The following TOX2 variants were observed in gnomAD, a reference collection of about 807,000 sequenced individuals.
TOX2 encodes TOX high mobility group box family member 2.
TOX2 carries 15 observed loss-of-function variants against 47.4 expected under a neutral mutation model. The ratio of observed to expected loss-of-function variants is 0.32; its 90% CI spans 0.21 to 0.49. The LOEUF (loss-of-function observed/expected upper bound fraction) is 0.49. Among genes scored for constraint, TOX2 ranks in the 20% least tolerant of loss-of-function variants. The probability of loss-of-function intolerance (pLI) is 0.99; values close to 1 mark genes in which losing one functional copy is unlikely to be tolerated. For missense variants in TOX2, 622 were observed against 673.1 expected (o/e 0.92, Z 0.84); for synonymous variants, 290 against 296.6 (o/e 0.98, Z 0.23).
chr20:44,018,114 A>T (rs561271387), intron 3 of TOX2, among the ~76,000 whole-genome samples: 6 of 152,338 alleles, frequency 3.9e-5, no homozygotes, highest in African/African-American at 1.2e-4. Context: ...TGGGGGCCAG[A>T]GGACAGTGGG....
intron 2 of TOX2, among the ~76,000 whole-genome samples, chr20:44,001,846 C>T (rs1464162642): frequency 1.3e-5 from 2 of 152,198 alleles, no homozygotes; most frequent in East Asian, 1.9e-4. Flanking sequence ...CCCCATTTCC[C>T]GTGCCCATTT....
intron 5 of TOX2, among the ~76,000 whole-genome samples, chr20:44,056,409 C>T (rs1161356791): frequency 1.3e-5 from 2 of 152,190 alleles, no homozygotes; most frequent in Admixed American, 1.3e-4. Context: ...CAAAAGACTT[C>T]AGGTTGTTTT....
intron 1 of TOX2, among the ~76,000 whole-genome samples, chr20:43,924,235 C>G (rs1419083842): frequency 1.3e-5 from 2 of 152,190 alleles, no homozygotes; most frequent in African/African-American, 4.8e-5. Flanking sequence ...GTGATGGTCA[C>G]TCACTTGCTC....
At chr20:43,968,297 A>G (rs1486266885) in intron 1 of TOX2, among the ~76,000 whole-genome samples, 1 of 152,216 alleles carries the variant, frequency 6.6e-6, no homozygotes, top group Non-Finnish European at 1.5e-5. Context: ...CTGTGGTCAT[A>G]AGAATGAGAA....
intron 1 of TOX2, among the ~76,000 whole-genome samples, chr20:43,958,333 A>T (rs796942017): frequency 6.6e-6 from 1 of 152,096 alleles, no homozygotes; most frequent in East Asian, 1.9e-4. Flanking sequence ...TCTTTAGTGG[A>T]TGTTGATTTT....
At chr20:44,016,780 T>A (rs1027250142) in intron 3 of TOX2, among the ~76,000 whole-genome samples, 1 of 152,160 alleles carries the variant, frequency 6.6e-6, no homozygotes. Context: ...TCAGAAGTTA[T>A]CTTCTCACAG....
chr20:44,049,336 A>G (rs890442327), intron 3 of TOX2, among the ~76,000 whole-genome samples: 1 of 152,254 alleles, frequency 6.6e-6, no homozygotes, highest in Non-Finnish European at 1.5e-5. Flanking sequence ...TATGTACACA[A>G]TTTAATCATA....
At chr20:43,976,803 C>CACACAT (rs1486059207) in intron 2 of TOX2, among the ~76,000 whole-genome samples, 2 of 149,698 alleles carry the variant, frequency 1.3e-5, no homozygotes, top group African/African-American at 5.0e-5. Context: ...CACACACACA[C>CACACAT]ATACACACAT....
chr20:44,016,827 G>A (rs1304886562), intron 3 of TOX2, among the ~76,000 whole-genome samples: 1 of 152,140 alleles, frequency 6.6e-6, no homozygotes, highest in Non-Finnish European at 1.5e-5. Context: ...ACGAGGGTGA[G>A]GCATGTGAGA....
chr20:43,969,127 T>TTA (rs1436263789), intron 1 of TOX2, among the ~76,000 whole-genome samples: 1 of 152,224 alleles, frequency 6.6e-6, no homozygotes, highest in African/African-American at 2.4e-5. Context: ...TGTGCCCAGT[T>TTA]GTATAAAGGT....
At chr20:43,950,548 C>T (rs4812774) in intron 1 of TOX2, among the ~76,000 whole-genome samples, 72,729 of 151,534 alleles carry the variant, frequency 0.48, 20,838 homozygotes, top group Non-Finnish European at 0.63. Context: ...TCACACCTGC[C>T]GGCAGCTCCC....
chr20:44,065,941 C>T lies in TOX2; in HGVS notation c.1190C>T (p.Pro397Leu), dbSNP rs749650557. 8.1e-6 allele frequency: 13 copies of T among 1,612,124 alleles called. No homozygotes were observed. Among genetic ancestry groups the T allele is most frequent in the Admixed American group, 5.0e-5 (3 of 59,900 alleles). The change falls in exon 7 of 9, where the codon CCG (proline) becomes CTG (leucine). Residue 397 changes from proline (P) to leucine (L), a missense_variant. Physicochemically the swap from Pro to Leu is moderately conservative, Grantham distance 98 (BLOSUM62 -3). Transcript: ENST00000341197. The part of the protein sequence containing the change: ...SASPPPPPSF[P>L]LSPTLHQQLS... ...TCCCCGCCGCCGCCACCCTCCTTCC[C>T]GCTCAGCCCCACACTGCACCAGCAG...
chr20:43,929,003 C>CA (rs1218727839), intron 1 of TOX2, among the ~76,000 whole-genome samples: 28 of 115,596 alleles, frequency 2.4e-4, no homozygotes, highest in African/African-American at 1.2e-3. Flanking sequence ...AAAAAAACAA[C>CA]AACAAAAAAA....
chr20:44,068,976 T>A lies in TOX2; in HGVS notation c.*290T>A, dbSNP rs1600811426. The A allele has an allele frequency of 1.8e-6, 1 of 553,752 alleles. No individual in the cohort carries two copies. Among genetic ancestry groups the A allele is most frequent in the Non-Finnish European group, 3.5e-6 (1 of 288,376 alleles). 34.3% of individuals were successfully genotyped at this position (553,752 alleles called of 1,614,324 possible). On this transcript the variant is annotated 3_prime_UTR_variant, in exon 9 of 9. Transcript: ENST00000341197. ...CTCGCCCTGCGCACGGTACCCTATG[T>A]CTGGACACCCGGCCCCAGCTCCAGC...
At position 44,006,768 on chromosome 20, in the gene TOX2, C is replaced by T. The variant is rs770775304; in HGVS notation, c.387C>T (p.His129=). 6.8e-6 allele frequency: 11 copies of T among 1,613,640 alleles called. No homozygotes were observed. The highest frequency in any genetic ancestry group is 4.0e-5 in the African/African-American group (3 of 74,940). The part of the protein sequence containing the change: ...MVSNMLAQDS[H]LLSGQLPTIQ... ...CCAACATGCTAGCACAGGACAGCCA[C>T]CTGCTGTCGGGCCAGCTGCCCACGG... The change falls in exon 3 of 9, where the codon CAC becomes CAT. Residue 129 remains histidine (H), a synonymous_variant. Transcript: ENST00000341197.
At chr20:44,044,676 G>A (rs1600776250) in intron 3 of TOX2, among the ~76,000 whole-genome samples, 1 of 152,184 alleles carries the variant, frequency 6.6e-6, no homozygotes, top group Admixed American at 6.5e-5. Flanking sequence ...TGTGTTGCTG[G>A]TGGGAATTGA....
At chr20:44,046,629 A>T (rs1223439677) in intron 3 of TOX2, among the ~76,000 whole-genome samples, 1 of 152,226 alleles carries the variant, frequency 6.6e-6, no homozygotes, top group Non-Finnish European at 1.5e-5. Flanking sequence ...AAGGGAAGAA[A>T]GTTCTGATTC....
At chr20:43,972,690 G>T (rs990167195) in intron 1 of TOX2, among the ~76,000 whole-genome samples, 2 of 152,164 alleles carry the variant, frequency 1.3e-5, no homozygotes, top group African/African-American at 4.8e-5. Context: ...GGAGGCGGGG[G>T]TCCCAGAGCC....
At chr20:43,991,274 C>A (rs1051067862) in intron 2 of TOX2, among the ~76,000 whole-genome samples, 2 of 142,334 alleles carry the variant, frequency 1.4e-5, no homozygotes, top group Non-Finnish European at 1.5e-5. Flanking sequence ...CGTCACTGAG[C>A]GGGCTGCTTC....
Sources: allele counts gnomAD v4.1 joint callset (sites outside exome capture counted in the v4.1 genomes callset), GRCh38; gene constraint gnomAD v4.1.1; transcripts MANE v1.5; gene names NCBI Gene and HGNC (gene_info 2026-07-23, HGNC 2026-07-21).